The following RGS7 variants were observed in gnomAD, a reference collection of about 807,000 sequenced individuals.
RGS7 encodes regulator of G protein signaling 7, also known as regulator of G-protein signaling 7.
In RGS7, 27 loss-of-function variants were observed where a neutral mutation model predicts 81.1. The ratio of observed to expected loss-of-function variants is 0.33; its 90% CI spans 0.25 to 0.46. The LOEUF (loss-of-function observed/expected upper bound fraction) is 0.46. RGS7 is among the 20% of genes least tolerant of loss of function. The probability of loss-of-function intolerance (pLI) is 1.00; values close to 1 mark genes in which losing one functional copy is unlikely to be tolerated. For synonymous variants in RGS7, 208 were observed against 207.7 expected (o/e 1.00, Z -0.01); for missense variants, 396 against 607.4 (o/e 0.65, Z 3.66).
intron 2 of RGS7, among the ~76,000 whole-genome samples, chr1:241,317,618 C>G (rs137970843): frequency 6.6e-6 from 1 of 152,310 alleles, no homozygotes; most frequent in East Asian, 1.9e-4. Context: ...CACTCCCAGC[C>G]ACCCGGGATT....
rs371359963 is a variant in RGS7, at chr1:240,921,092, G to A, written c.385+9625C>T. ...CACAACCTGCTTGGGTGGAGAAGCCGTTGTCTTCAGAAACCTTGCTATAGT... is the reference window on the plus strand; with the variant it reads ...CACAACCTGCTTGGGTGGAGAAGCCATTGTCTTCAGAAACCTTGCTATAGT... On this transcript the variant is annotated intron_variant, in intron 6 of 18. Coordinates refer to ENST00000440928, the MANE Select transcript of RGS7 (RefSeq NM_001364886.1). Among the ~76,000 whole-genome samples the A allele has an allele frequency of 9.9e-5, 15 of 152,166 alleles. No individual in the cohort carries two copies. The East Asian group carries it at 1.7e-3, about 18-fold the overall frequency.
In RGS7 at chr1:241,180,181, T is replaced by C. The variant is rs564820067; in HGVS notation, c.79-81419A>G. Among the ~76,000 whole-genome samples, 28 of 152,056 alleles carry C rather than the reference T, an allele frequency of 1.8e-4. No individual in the cohort carries two copies. The East Asian group carries it at 2.9e-3, about 16-fold the overall frequency. On this transcript the variant is annotated intron_variant, in intron 2 of 18. Transcript: ENST00000440928. ...CGAGGTCAGATCGAGACCATCATGG[T>C]TAACACAGTGAAACCCTGTCTCTCT...
At position 240,973,302 on chromosome 1, in the gene RGS7, T is replaced by A. The variant is rs540075472; in HGVS notation, c.226+9777A>T. On this transcript the variant is annotated intron_variant, in intron 4 of 18. Coordinates refer to ENST00000440928, the MANE Select transcript of RGS7 (RefSeq NM_001364886.1). ...GGGAGGCTGAGGAGGGCAGATCACC[T>A]GAGGTCAGGAGTTTGAGACCAACTT... Among the ~76,000 whole-genome samples the A allele has an allele frequency of 7.9e-5, 12 of 152,132 alleles. No individual in the cohort carries two copies. In the South Asian group the frequency reaches 2.3e-3, roughly 29 times the overall value.
chr1:241,000,814 A>ATTTTTTT (rs10691671), intron 3 of RGS7, among the ~76,000 whole-genome samples: 1 of 130,412 alleles, frequency 7.7e-6, no homozygotes, highest in African/African-American at 3.0e-5. Context: ...CACCCAGCTA[A>ATTTTTTT]TTTTTTTTTT....
At chr1:241,028,236 C>A (rs970643643) in intron 3 of RGS7, among the ~76,000 whole-genome samples, 1 of 152,132 alleles carries the variant, frequency 6.6e-6, no homozygotes, top group East Asian at 1.9e-4. Context: ...CAAGAGGATG[C>A]CGATGGATAG....
chr1:240,795,728 A>C (rs12049167), intron 18 of RGS7, among the ~76,000 whole-genome samples: 100,064 of 152,024 alleles, frequency 0.66, 33,209 homozygotes, highest in Non-Finnish European at 0.7. Flanking sequence ...TAATAAATAG[A>C]ATCATGTAGA....
chr1:241,310,360 T>TGA (rs905617036), intron 2 of RGS7, among the ~76,000 whole-genome samples: 7 of 149,432 alleles, frequency 4.7e-5, no homozygotes, highest in Non-Finnish European at 7.5e-5. Context: ...GACGAAGGTG[T>TGA]GAGAGTGTGT....
intron 2 of RGS7, among the ~76,000 whole-genome samples, chr1:241,203,971 G>A (rs2073702542): frequency 6.6e-6 from 1 of 152,152 alleles, no homozygotes; most frequent in Non-Finnish European, 1.5e-5. Flanking sequence ...ATAACCTGAA[G>A]GTCAAATACA....
intron 3 of RGS7, among the ~76,000 whole-genome samples, chr1:241,053,790 A>T (rs768256890): frequency 6.6e-6 from 1 of 152,166 alleles, no homozygotes; most frequent in Non-Finnish European, 1.5e-5. Flanking sequence ...AACTGTTCTC[A>T]TGGTAGTGAA....
chr1:241,349,086 C>G (rs551055666), intron 2 of RGS7, among the ~76,000 whole-genome samples: 57 of 152,224 alleles, frequency 3.7e-4, no homozygotes, highest in Non-Finnish European at 7.4e-4. Context: ...GACATTTTCC[C>G]CAGGCTATCC....
intron 3 of RGS7, among the ~76,000 whole-genome samples, chr1:241,002,634 G>A (rs1186566984): frequency 6.6e-6 from 1 of 152,122 alleles, no homozygotes; most frequent in Non-Finnish European, 1.5e-5. Flanking sequence ...CAGTTCATGA[G>A]AGCAGTGATT....
chr1:241,240,483 A>C (rs911566849), intron 2 of RGS7, among the ~76,000 whole-genome samples: 1 of 152,194 alleles, frequency 6.6e-6, no homozygotes, highest in Non-Finnish European at 1.5e-5. Flanking sequence ...GGGTGTAGAA[A>C]CATTACTTGT....
chr1:241,233,910 AC>A, intron 2 of RGS7, among the ~76,000 whole-genome samples: 1 of 151,624 alleles, frequency 6.6e-6, no homozygotes, highest in Non-Finnish European at 1.5e-5. Flanking sequence ...CATCCTCACC[AC>A]CATCTGTCAT....
chr1:240,921,409 T>C (rs1243308679), intron 6 of RGS7, among the ~76,000 whole-genome samples: 1 of 152,052 alleles, frequency 6.6e-6, no homozygotes, highest in Non-Finnish European at 1.5e-5. Context: ...CTATTTGCCA[T>C]TGTACTGGAG....
intron 3 of RGS7, among the ~76,000 whole-genome samples, chr1:241,071,402 A>G (rs1194305606): frequency 1.3e-5 from 2 of 152,216 alleles, no homozygotes; most frequent in Non-Finnish European, 2.9e-5. Flanking sequence ...CTGGTTTACA[A>G]AACTCCTTAG....
intron 3 of RGS7, among the ~76,000 whole-genome samples, chr1:241,025,972 G>A (rs1329052468): frequency 6.6e-6 from 1 of 152,140 alleles, no homozygotes; most frequent in African/African-American, 2.4e-5. Context: ...AGCATTAATA[G>A]AACATAGTAA....
chr1:241,203,452 G>A (rs746909622), intron 2 of RGS7, among the ~76,000 whole-genome samples: 6 of 152,000 alleles, frequency 3.9e-5, no homozygotes, highest in African/African-American at 1.2e-4. Context: ...GGATGGTCTC[G>A]ATCTCCTGAC....
chr1:241,284,853 T>G (rs750942746), intron 2 of RGS7, among the ~76,000 whole-genome samples: 12 of 152,040 alleles, frequency 7.9e-5, no homozygotes, highest in Non-Finnish European at 1.2e-4. Flanking sequence ...GTTTCTGTCT[T>G]TCTTTGTTTT....
intron 2 of RGS7, among the ~76,000 whole-genome samples, chr1:241,295,232 A>G (rs1006876875): frequency 7.2e-5 from 11 of 152,094 alleles, no homozygotes; most frequent in Admixed American, 3.9e-4. Flanking sequence ...GCGGATCACA[A>G]GGTCAGGAGT....
Sources: allele counts gnomAD v4.1 joint callset (sites outside exome capture counted in the v4.1 genomes callset), GRCh38; gene constraint gnomAD v4.1.1; transcripts MANE v1.5; gene names NCBI Gene and HGNC (gene_info 2026-07-23, HGNC 2026-07-21).